Variants in COL28A1 observed in about 807,000 individuals in gnomAD.
COL28A1 encodes collagen alpha-1(XXVIII) chain.
Under a neutral mutation model 150.2 loss-of-function variants are expected in COL28A1, and 161 were observed. That is an observed-to-expected ratio of 1.07 (90% CI 0.94 to 1.22). The LOEUF is 1.22. COL28A1 is among the 50% of genes most tolerant of loss of function. The pLI is 0.00. For missense variants in COL28A1, 1,617 were observed against 1,388.3 expected (o/e 1.16, Z -2.62); for synonymous variants, 552 against 469.7 (o/e 1.18, Z -2.26).
intron 26 of COL28A1, among the ~76,000 whole-genome samples, chr7:7,418,864 T>C (rs1451595466): frequency 6.6e-6 from 1 of 152,126 alleles, no homozygotes; most frequent in African/African-American, 2.4e-5. Flanking sequence ...TTTAAAGTGA[T>C]CTAGAAGGTT....
Position 7,422,408 on chromosome 7 carries a change from A to G in COL28A1, c.1999-2455T>C, listed in dbSNP as rs563819424. Among the ~76,000 whole-genome samples, 390 of 152,186 alleles carry G rather than the reference A, an allele frequency of 2.6e-3. 1 individual carries two copies. Among genetic ancestry groups the G allele is most frequent in the African/African-American group, 8.9e-3 (368 of 41,518 alleles). On this transcript the variant is annotated intron_variant, in intron 25 of 34. Transcript: ENST00000399429. The stretch of plus-strand genomic sequence containing the variant: ...CACTCTGGCAGGCCGAGGTGGGTGG[A>G]TCACATGGTCAGGAGTTTGAGATCA...
intron 27 of COL28A1, among the ~76,000 whole-genome samples, chr7:7,385,497 A>C (rs928542465): frequency 1.3e-5 from 2 of 152,246 alleles, no homozygotes; most frequent in Non-Finnish European, 2.9e-5. Context: ...GAATCCAGAA[A>C]GAATGCCATA....
chr7:7,376,994 ATC>A (rs1781589982), intron 30 of COL28A1, among the ~76,000 whole-genome samples: 1 of 152,176 alleles, frequency 6.6e-6, no homozygotes, highest in African/African-American at 2.4e-5. Flanking sequence ...GTAGAGCAAA[ATC>A]TCTCATTGTT....
chr7:7,490,406 G>C (rs1779853034), intron 12 of COL28A1, among the ~76,000 whole-genome samples, 172 bp downstream of exon 12: 1 of 152,146 alleles, frequency 6.6e-6, no homozygotes, highest in Non-Finnish European at 1.5e-5. Flanking sequence ...TATTCTTGTG[G>C]TAACTGCCCC....
intron 1 of COL28A1, among the ~76,000 whole-genome samples, 184 bp from the exon 2 acceptor site, chr7:7,533,096 T>A (rs958112282): frequency 1.3e-5 from 2 of 152,170 alleles, no homozygotes; most frequent in African/African-American, 4.8e-5. Context: ...CATGGCACCA[T>A]GACCAAACAT....
intron 18 of COL28A1, among the ~76,000 whole-genome samples, chr7:7,446,968 G>C (rs1051667901): frequency 2.0e-5 from 3 of 152,090 alleles, no homozygotes; most frequent in African/African-American, 7.2e-5. Flanking sequence ...ACTACCCAAG[G>C]CCAGGAAAAC....
At chr7:7,412,824 A>T (rs1392587978) in intron 27 of COL28A1, among the ~76,000 whole-genome samples, 1 of 152,122 alleles carries the variant, frequency 6.6e-6, no homozygotes, top group Non-Finnish European at 1.5e-5. Context: ...CACTGTGTAA[A>T]ATAAGCCTTA....
chr7:7,348,805 C>G, the COL28A1 span, among the ~76,000 whole-genome samples: 1 of 152,106 alleles, frequency 6.6e-6, no homozygotes, highest in African/African-American at 2.4e-5. Context: ...AAGAGTGGCA[C>G]AATCATAGTC....
At chr7:7,479,035 G>A (rs1170649695) in intron 13 of COL28A1, among the ~76,000 whole-genome samples, 1 of 152,232 alleles carries the variant, frequency 6.6e-6, no homozygotes, top group Non-Finnish European at 1.5e-5. Context: ...GCCAGAGTGG[G>A]CACCGAGGCT....
chr7:7,381,564 G>T lies in COL28A1; in HGVS notation c.2185C>A (p.His729Asn), dbSNP rs1232715613. The T allele has an allele frequency of 6.2e-7, 1 of 1,613,696 alleles. No individual in the cohort carries two copies. The highest frequency in any genetic ancestry group is 8.5e-7 in the Non-Finnish European group (1 of 1,179,604). The change falls in exon 28 of 35, where the codon CAT (histidine) becomes AAT (asparagine). Residue 729 changes from histidine (H) to asparagine (N), a missense_variant. Physicochemically the swap from His to Asn is moderately conservative, Grantham distance 68 (BLOSUM62 1). Transcript: ENST00000399429. ...CTTACCTTCTGGCCTGGGAGGCCAT[G>T]GCCCATTGTGCCCTTTGGGCCTGGG... ...GFPGPKGTMGHGLPGQKGEHG... is the reference protein window; with the variant it reads ...GFPGPKGTMGNGLPGQKGEHG...
chr7:7,513,441 C>CT (rs932527101), intron 8 of COL28A1, among the ~76,000 whole-genome samples: 4 of 152,174 alleles, frequency 2.6e-5, no homozygotes, highest in Admixed American at 2.6e-4. Context: ...TTGCAGGCAT[C>CT]AGGAGCAGGA....
At chr7:7,462,963 AG>A (rs1284028498) in intron 15 of COL28A1, among the ~76,000 whole-genome samples, 1 of 152,034 alleles carries the variant, frequency 6.6e-6, no homozygotes, top group Non-Finnish European at 1.5e-5. Context: ...CTCAAAGACA[AG>A]GTTTTTTAAT....
At chr7:7,537,450 A>G (rs568893702), upstream of COL28A1, among the ~76,000 whole-genome samples, 134 of 152,346 alleles carry the variant, frequency 8.8e-4, no homozygotes, top group Non-Finnish European at 1.5e-3. Context: ...GACATTGAAC[A>G]AAATATTATT....
At chr7:7,400,985 T>TGTGTGTG (rs1562554321) in intron 27 of COL28A1, among the ~76,000 whole-genome samples, 1 of 139,470 alleles carries the variant, frequency 7.2e-6, no homozygotes, top group African/African-American at 2.8e-5. Flanking sequence ...GGTGTGTGTG[T>TGTGTGTG]GTGTGTGTGT....
intron 34 of COL28A1, among the ~76,000 whole-genome samples, chr7:7,359,897 T>C (rs1191284080): frequency 6.6e-6 from 1 of 152,152 alleles, no homozygotes; most frequent in African/African-American, 2.4e-5. Context: ...ACAAAAATTG[T>C]CTCTCATGTT....
chr7:7,379,296 C>T (rs1411496087), intron 30 of COL28A1, among the ~76,000 whole-genome samples: 1 of 152,164 alleles, frequency 6.6e-6, no homozygotes, highest in Non-Finnish European at 1.5e-5. Context: ...TCTTTTCCTT[C>T]ACTCTTCTCG....
chr7:7,454,358 G>A (rs993110568), intron 16 of COL28A1, among the ~76,000 whole-genome samples: 1 of 152,092 alleles, frequency 6.6e-6, no homozygotes, highest in Non-Finnish European at 1.5e-5. Context: ...CATAGACAGA[G>A]GTTAAATTTA....
chr7:7,432,466 G>A lies in COL28A1; in HGVS notation c.1998+7C>T. The A allele has an allele frequency of 1.2e-6, 2 of 1,613,618 alleles. No individual in the cohort carries two copies. Among genetic ancestry groups the A allele is most frequent in the Non-Finnish European group, 8.5e-7 (1 of 1,179,530 alleles). ...AAGCTAGTACGTTGCCTACTTTAAA[G>A]TCTTACCTTTGCTCCAGTGTCTCCC... On this transcript the variant is annotated splice_region_variant and intron_variant, in intron 25 of 34. Coordinates refer to ENST00000399429, the MANE Select transcript of COL28A1 (RefSeq NM_001037763.3).
intron 24 of COL28A1, 28 bp from the exon 25 acceptor site, chr7:7,432,569 G>C: frequency 6.2e-7 from 1 of 1,611,526 alleles, no homozygotes; most frequent in Non-Finnish European, 8.5e-7. Context: ...GGGAGGGAGT[G>C]AGCATCCTTG....
Sources: allele counts gnomAD v4.1 joint callset (sites outside exome capture counted in the v4.1 genomes callset), GRCh38; gene constraint gnomAD v4.1.1; transcripts MANE v1.5; gene names NCBI Gene and HGNC (gene_info 2026-07-23, HGNC 2026-07-21).